Variants in SLC12A1 observed in about 807,000 individuals in gnomAD.
SLC12A1 encodes Na-K-2Cl cotransporter.
Under a neutral mutation model 130.4 loss-of-function variants are expected in SLC12A1, and 89 were observed. The ratio of observed to expected loss-of-function variants is 0.68; its 90% confidence interval spans 0.58 to 0.81. The LOEUF is 0.81. Ranked by LOEUF, SLC12A1 falls within the 40% of genes least tolerant of loss-of-function variation. SLC12A1 has a pLI of 0.00. For missense variants in SLC12A1, 1,310 were observed against 1,336.4 expected (o/e 0.98, Z 0.31); for synonymous variants, 499 against 460.0 (o/e 1.08, Z -1.09).
intron 17 of SLC12A1, among the ~76,000 whole-genome samples, chr15:48,263,098 C>A (rs568988215): frequency 6.6e-6 from 1 of 152,282 alleles, no homozygotes; most frequent in Non-Finnish European, 1.5e-5. Context: ...TTGACACTTA[C>A]CTTTCCCAGG....
At chr15:48,209,792 A>G (rs541539418) in intron 2 of SLC12A1, among the ~76,000 whole-genome samples, 1 of 152,256 alleles carries the variant, frequency 6.6e-6, no homozygotes, top group Non-Finnish European at 1.5e-5. Flanking sequence ...CTACCACCAG[A>G]GACCAAGTGA....
chr15:48,275,585 C>A (rs989263796), intron 20 of SLC12A1, among the ~76,000 whole-genome samples: 4 of 151,924 alleles, frequency 2.6e-5, no homozygotes, highest in Non-Finnish European at 5.9e-5. Flanking sequence ...TAGGAGTTAA[C>A]CAGACAAAGT....
intron 6 of SLC12A1, 97 bp from the exon 7 acceptor site, chr15:48,230,296 T>C: frequency 1.4e-6 from 1 of 708,914 alleles, no homozygotes; most frequent in East Asian, 2.7e-5. Context: ...TGGCCCCAGG[T>C]GTAATTGTAT....
At chr15:48,237,355 T>C in intron 9 of SLC12A1, 1 of 166,772 alleles carries the variant, frequency 6.0e-6, no homozygotes, top group Non-Finnish European at 1.3e-5. Flanking sequence ...AATAATTTTC[T>C]ATGTGTCCTA....
Position 48,254,592 on chromosome 15 carries a change from T to TAAAAAAA in SLC12A1, c.1943-1187_1943-1181dup, listed in dbSNP as rs550686114. Among the ~76,000 whole-genome samples the TAAAAAAA allele has an allele frequency of 3.1e-3, 166 of 52,862 alleles. 6 individuals are homozygous for TAAAAAAA. Among genetic ancestry groups the TAAAAAAA allele is most frequent in the Non-Finnish European group, 5.6e-3 (131 of 23,376 alleles). 34.7% of individuals were successfully genotyped at this position (52,862 alleles called of 152,430 possible). A position where few individuals can be genotyped will look rare whatever the true frequency, so the allele number is the denominator to read the frequency against. On this transcript the variant is annotated intron_variant, in intron 15 of 26. Coordinates refer to ENST00000380993, the MANE Select transcript of SLC12A1 (RefSeq NM_000338.3). ...AAGATCCATTTAATACTTAAATTCG[T>TAAAAAAA]AAAAAAAAAAAAAAAAAAAAAAAAA...
chr15:48,250,659 C>A (rs2041636360), intron 14 of SLC12A1, among the ~76,000 whole-genome samples: 1 of 144,250 alleles, frequency 6.9e-6, no homozygotes, highest in Non-Finnish European at 1.5e-5. Flanking sequence ...GATACACAAA[C>A]CCAGAAAATG....
At position 48,229,237 on chromosome 15, in the gene SLC12A1, G is replaced by T; in HGVS notation, c.773G>T (p.Gly258Val). The T allele has an allele frequency of 6.3e-7, 1 of 1,595,306 alleles. No individual in the cohort carries two copies. Among genetic ancestry groups the T allele is most frequent in the Non-Finnish European group, 8.5e-7 (1 of 1,170,218 alleles). ...AGAAGTTTAGGGCCCGAGTTCGGTG[G>T]GTCAATAGGCCTGATCTTTGCTTTT... The part of the protein sequence containing the change: ...ISRSLGPEFG[G>V]SIGLIFAFAN... The change falls in exon 6 of 27, where the codon GGG becomes GTG. Residue 258 changes from glycine to valine, a missense_variant. Coordinates refer to ENST00000380993, the MANE Select transcript of SLC12A1 (RefSeq NM_000338.3).
intron 5 of SLC12A1, 117 bp from the exon 6 acceptor site, chr15:48,229,072 A>C: frequency 9.0e-7 from 1 of 1,109,272 alleles, no homozygotes; most frequent in Non-Finnish European, 1.3e-6. Flanking sequence ...ATTACTGGGA[A>C]GTTGTAATAC....
intron 2 of SLC12A1, among the ~76,000 whole-genome samples, chr15:48,208,658 C>G (rs896291508): frequency 3.9e-5 from 6 of 152,290 alleles, no homozygotes; most frequent in African/African-American, 1.2e-4. Flanking sequence ...AGAATTAACT[C>G]TAAATGTTAG....
At chr15:48,262,179 G>T (rs2041782171) in intron 17 of SLC12A1, among the ~76,000 whole-genome samples, 1 of 152,170 alleles carries the variant, frequency 6.6e-6, no homozygotes, top group Non-Finnish European at 1.5e-5. Context: ...TAAGTGTGCA[G>T]CAGTTTGATC....
At chr15:48,233,443 G>C (rs1164840092) in intron 8 of SLC12A1, among the ~76,000 whole-genome samples, 1 of 152,192 alleles carries the variant, frequency 6.6e-6, no homozygotes, top group Non-Finnish European at 1.5e-5. Flanking sequence ...TGCTAGACTT[G>C]TTTGCACCTT....
At chr15:48,220,504 A>G in intron 2 of SLC12A1, 130 bp from the exon 3 acceptor site, 1 of 898,300 alleles carries the variant, frequency 1.1e-6, no homozygotes, top group Non-Finnish European at 1.6e-6. Context: ...AAATTCTCAG[A>G]ATATATTTAG....
intron 2 of SLC12A1, among the ~76,000 whole-genome samples, chr15:48,213,657 G>A (rs2041083328): frequency 2.0e-5 from 3 of 151,828 alleles, no homozygotes; most frequent in Admixed American, 2.0e-4. Context: ...GCGCCCGCCA[G>A]CATGCCCGGC....
At position 48,303,808 on chromosome 15, in the gene SLC12A1, T is replaced by C. The variant is rs1358591382; in HGVS notation, c.*923T>C. 1 of 152,238 alleles carries C rather than the reference T, an allele frequency of 6.6e-6. No homozygotes were observed. The highest frequency in any genetic ancestry group is 1.5e-5 in the Non-Finnish European group (1 of 68,042). 9.4% of individuals were successfully genotyped at this position (152,238 alleles called of 1,614,324 possible). A position where few individuals can be genotyped will look rare whatever the true frequency, so the allele number is the denominator to read the frequency against. ...ATTAAGAAATATATCCTGAATCATATATTTAGTTACTTTCTATAGTGATTG... is the reference window on the plus strand; with the variant it reads ...ATTAAGAAATATATCCTGAATCATACATTTAGTTACTTTCTATAGTGATTG... On this transcript the variant is annotated 3_prime_UTR_variant, in exon 27 of 27. Transcript: ENST00000380993.
At chr15:48,294,899 T>TTTTAATTATTTATTTATTTA (rs2042159834) in intron 24 of SLC12A1, among the ~76,000 whole-genome samples, 1 of 147,354 alleles carries the variant, frequency 6.8e-6, no homozygotes, top group African/African-American at 2.6e-5. Flanking sequence ...CTTCTTTTTA[T>TTTTAATTATTTATTTATTTA]TTTATTTATT....
At chr15:48,245,330 G>T (rs2041564881) in intron 11 of SLC12A1, among the ~76,000 whole-genome samples, 1 of 152,086 alleles carries the variant, frequency 6.6e-6, no homozygotes, top group South Asian at 2.1e-4. Context: ...GAGATTTGGG[G>T]GTATTACAAC....
chr15:48,254,624 A>C (rs1263077472), intron 15 of SLC12A1, among the ~76,000 whole-genome samples: 2 of 143,690 alleles, frequency 1.4e-5, no homozygotes, highest in Non-Finnish European at 3.0e-5. Context: ...AAAAAAAAAA[A>C]AAAAAACCCA....
chr15:48,229,438 A>G lies in SLC12A1; in HGVS notation c.864+110A>G, dbSNP rs564724003. On this transcript the variant is annotated intron_variant, in intron 6 of 26. Coordinates refer to ENST00000380993, the MANE Select transcript of SLC12A1 (RefSeq NM_000338.3). Reference sequence around the variant, plus strand: ...AGCTAAATGAGAGGAAAAAAGTTAAATATAGTGGAAGGAGCCTGGGCTTGG... The same window carrying G: ...AGCTAAATGAGAGGAAAAAAGTTAAGTATAGTGGAAGGAGCCTGGGCTTGG... 1.3e-4 allele frequency: 137 copies of G among 1,077,834 alleles called. 1 individual carries two copies. The Middle Eastern group carries it at 2.7e-3, about 21-fold the overall frequency. 66.8% of individuals were successfully genotyped at this position (1,077,834 alleles called of 1,614,324 possible). A position where few individuals can be genotyped will look rare whatever the true frequency, so the allele number is the denominator to read the frequency against.
intron 15 of SLC12A1, 42 bp from the exon 16 acceptor site, chr15:48,255,769 A>C: frequency 8.3e-7 from 1 of 1,209,998 alleles, no homozygotes; most frequent in Non-Finnish European, 1.2e-6. Flanking sequence ...GCACAGAGGA[A>C]AGGTCAGTGT....
Sources: allele counts gnomAD v4.1 joint callset (sites outside exome capture counted in the v4.1 genomes callset), GRCh38; gene constraint gnomAD v4.1.1; transcripts MANE v1.5; gene names NCBI Gene and HGNC (gene_info 2026-07-23, HGNC 2026-07-21).